MED23: variants seen among roughly 807,000 people sequenced by gnomAD.
MED23 encodes mediator complex subunit 23, also known as mediator of RNA polymerase II transcription subunit 23.
A neutral mutation model predicts 163.9 loss-of-function variants in MED23; 105 were observed. That is an observed-to-expected ratio of 0.64 (90% CI 0.55 to 0.75). The LOEUF (loss-of-function observed/expected upper bound fraction) is 0.75. MED23 is among the 30% of genes least tolerant of loss of function. MED23 has a pLI of 0.00. For missense variants in MED23, 1,054 were observed against 1,649.0 expected (o/e 0.64, Z 6.25); for synonymous variants, 561 against 565.6 (o/e 0.99, Z 0.12).
rs1384783184 is a variant in MED23, at chr6:131,603,261, A to G, written c.1757-57T>C. ...TATTAAAGGCTATGCATGAAAAGAT[A>G]TTTGAAGAAAGTCACATTGAGTAAA... On this transcript the variant is annotated intron_variant, in intron 15 of 28. Coordinates refer to ENST00000368068, the MANE Select transcript of MED23 (RefSeq NM_004830.4). The G allele has an allele frequency of 4.5e-6, 7 of 1,545,272 alleles. No homozygotes were observed. The African/African-American group carries it at 8.2e-5, about 18-fold the overall frequency.
At position 131,619,890 on chromosome 6, in the gene MED23, C is replaced by G; in HGVS notation, c.604G>C (p.Gly202Arg). The change falls in exon 8 of 29, where the codon GGA becomes CGA. Residue 202 changes from glycine (G) to arginine (R), a missense_variant. Gly to Arg is a moderately radical substitution (Grantham distance 125, BLOSUM62 -2). Around this residue, in one of 11 missense-constraint regions of MED23, gnomAD observed 227 missense variants for 235.5 expected, o/e 0.96. Coordinates refer to ENST00000368068, the MANE Select transcript of MED23 (RefSeq NM_004830.4). Reference protein sequence around the residue: ...PEGKLPHWLLGNLVSDFVDTF... With the variant: ...PEGKLPHWLLRNLVSDFVDTF... ...TCCACAAAGTCTGATACTAGGTTTCCAAGTAACTAAAGAGAGAAAGAAAGA... is the reference window on the plus strand; with the variant it reads ...TCCACAAAGTCTGATACTAGGTTTCGAAGTAACTAAAGAGAGAAAGAAAGA... 1.2e-6 allele frequency: 2 copies of G among 1,607,992 alleles called. No homozygotes were observed. Among genetic ancestry groups the G allele is most frequent in the Non-Finnish European group, 1.7e-6 (2 of 1,175,310 alleles).
At chr6:131,622,860 T>G (rs1262244999) in intron 5 of MED23, among the ~76,000 whole-genome samples, 1 of 152,232 alleles carries the variant, frequency 6.6e-6, no homozygotes, top group Admixed American at 6.5e-5. Flanking sequence ...GAATGGCTTT[T>G]GTAGCTATGG....
intron 8 of MED23, among the ~76,000 whole-genome samples, chr6:131,619,425 C>T (rs1162640123): frequency 5.9e-5 from 9 of 151,678 alleles, no homozygotes; most frequent in South Asian, 4.2e-4. Flanking sequence ...TGGGAAAATG[C>T]GAAAGGAAAA....
At chr6:131,604,410 C>A (rs1229485627) in intron 14 of MED23, 90 bp from the exon 15 acceptor site, 24 of 1,371,688 alleles carry the variant, frequency 1.7e-5, no homozygotes, top group Non-Finnish European at 2.3e-5. Context: ...TAGTATAAAT[C>A]TGAACTTAAA....
chr6:131,616,090 A>G (rs1408222736), intron 9 of MED23, 88 bp from the exon 10 acceptor site: 1 of 1,077,652 alleles, frequency 9.3e-7, no homozygotes, highest in Non-Finnish European at 1.4e-6. Flanking sequence ...AATCCTCTAA[A>G]GGCACTTGTT....
chr6:131,627,285 T>A, intron 3 of MED23, 111 bp downstream of exon 3: 1 of 806,484 alleles, frequency 1.2e-6, no homozygotes. Flanking sequence ...TATTTCTCCC[T>A]TCTCAGGAAG....
At chr6:131,600,200 G>T in intron 17 of MED23, 38 bp from the exon 18 acceptor site, 4 of 1,523,576 alleles carry the variant, frequency 2.6e-6, no homozygotes, top group Admixed American at 3.4e-5. Flanking sequence ...AGATATAAAT[G>T]ATTATATCCA....
chr6:131,599,279 T>C (rs1375240152), intron 18 of MED23, among the ~76,000 whole-genome samples: 1 of 152,166 alleles, frequency 6.6e-6, no homozygotes, highest in African/African-American at 2.4e-5. Flanking sequence ...TCCAGGTGAT[T>C]TGGTAAGTTT....
At chr6:131,607,907 T>C (rs760100313) in intron 12 of MED23, 21 bp downstream of exon 12, 2 of 1,612,690 alleles carry the variant, frequency 1.2e-6, no homozygotes, top group East Asian at 2.2e-5. Flanking sequence ...TTGTTATGAA[T>C]AGTTACTCAG....
At chr6:131,597,135 T>G (rs568066433) in intron 20 of MED23, among the ~76,000 whole-genome samples, 1 of 152,254 alleles carries the variant, frequency 6.6e-6, no homozygotes, top group East Asian at 1.9e-4. Flanking sequence ...GCCATAGAAT[T>G]TTTTTCAATG....
At chr6:131,594,361 C>CA in intron 22 of MED23, 26 bp from the exon 23 acceptor site, 1 of 1,493,058 alleles carries the variant, frequency 6.7e-7, no homozygotes, top group Non-Finnish European at 9.3e-7. Context: ...CATACCACCA[C>CA]AATGTTTAAC....
At chr6:131,579,388 T>G in intron 30 of MED23, 2 of 1,306,494 alleles carry the variant, frequency 1.5e-6, no homozygotes, top group Non-Finnish European at 2.1e-6. Context: ...AGCATTGACC[T>G]ATATTTTATA....
At chr6:131,585,136 C>A (rs2114556402), downstream of MED23, among the ~76,000 whole-genome samples, 1 of 152,240 alleles carries the variant, frequency 6.6e-6, no homozygotes, top group Non-Finnish European at 1.5e-5. Flanking sequence ...CAACGTTTCA[C>A]CCTTCACTTA....
At chr6:131,627,325 A>G (rs1777574976) in intron 3 of MED23, 71 bp downstream of exon 3, 2 of 1,113,262 alleles carry the variant, frequency 1.8e-6, no homozygotes, top group Non-Finnish European at 1.3e-6. Flanking sequence ...AGTAAATGTT[A>G]AAAGAAAAAA....
chr6:131,627,942 C>T, intron 1 of MED23, 69 bp downstream of exon 1: 1 of 1,604,384 alleles, frequency 6.2e-7, no homozygotes, highest in Non-Finnish European at 8.5e-7. Flanking sequence ...GGCCAGTTTC[C>T]TTGGTCGGCT....
At chr6:131,621,850 T>C (rs1384277440) in intron 6 of MED23, 31 bp downstream of exon 6, 1 of 1,503,766 alleles carries the variant, frequency 6.6e-7, no homozygotes, top group African/African-American at 1.4e-5. Flanking sequence ...TTTGAGGTTA[T>C]GATCACGAAT....
chr6:131,619,837 G>A lies in MED23; in HGVS notation c.657C>T (p.Asn219=), dbSNP rs1585560832. Reference sequence around the variant, plus strand: ...AAATTATAATCCTACCACAAATGGAGTTTATCCTTGCTGTGGGCCTGAAGG... The same window carrying A: ...AAATTATAATCCTACCACAAATGGAATTTATCCTTGCTGTGGGCCTGAAGG... ...VDTFRPTARI[N]SICGRCSLLP... Residue 219 remains asparagine (N), a synonymous_variant, in exon 8 of 29, where the codon AAC becomes AAT. Coordinates refer to ENST00000368068, the MANE Select transcript of MED23 (RefSeq NM_004830.4). The A allele has an allele frequency of 6.2e-7, 1 of 1,607,808 alleles. No homozygotes were observed.
chr6:131,610,406 G>A, intron 10 of MED23, 160 bp from the exon 11 acceptor site: 4 of 725,610 alleles, frequency 5.5e-6, no homozygotes, highest in Non-Finnish European at 7.1e-6. Context: ...GCTGCATCAT[G>A]TTATATTATT....
At chr6:131,625,156 T>A (rs562043535) in intron 3 of MED23, among the ~76,000 whole-genome samples, 167 bp from the exon 4 acceptor site, 1 of 152,310 alleles carries the variant, frequency 6.6e-6, no homozygotes, top group South Asian at 2.1e-4. Context: ...AAATTCAGAT[T>A]TAGTATTTGT....
Sources: gnomAD v4.1 joint callset for allele counts (sites outside exome capture counted in the v4.1 genomes callset) on GRCh38, gnomAD v4.1.1 for gene constraint, gnomAD v4.1.1 regional missense constraint, MANE v1.5 for transcripts, NCBI Gene and HGNC (gene_info 2026-07-23, HGNC 2026-07-21) for gene names.